NAALADL2: variants seen among roughly 807,000 people sequenced by gnomAD.
NAALADL2 encodes the protein N-acetylated alpha-linked acidic dipeptidase like 2.
Under a neutral mutation model 87.2 loss-of-function variants are expected in NAALADL2, and 76 were observed. The ratio of observed to expected loss-of-function variants is 0.87; its 90% CI spans 0.72 to 1.05. The LOEUF is 1.05. NAALADL2 is among the 50% of genes least tolerant of loss of function. NAALADL2 has a pLI of 0.00. For missense variants in NAALADL2, 1,089 were observed against 945.8 expected (o/e 1.15, Z -1.99); for synonymous variants, 354 against 331.0 (o/e 1.07, Z -0.75).
At chr3:174,762,823 T>TA (rs910728615) in intron 3 of NAALADL2, among the ~76,000 whole-genome samples, 15 of 151,414 alleles carry the variant, frequency 9.9e-5, no homozygotes, top group South Asian at 2.1e-4. Context: ...GTGCCAATAA[T>TA]AAAAAAAAAT....
intron 5 of NAALADL2, among the ~76,000 whole-genome samples, chr3:175,405,073 T>C (rs1177143694): frequency 6.6e-6 from 1 of 152,172 alleles, no homozygotes; most frequent in Non-Finnish European, 1.5e-5. Flanking sequence ...TGGGGCTTAA[T>C]TCATTGTAAC....
intron 5 of NAALADL2, among the ~76,000 whole-genome samples, chr3:175,420,590 C>A (rs1030853369): frequency 6.6e-6 from 1 of 151,766 alleles, no homozygotes; most frequent in African/African-American, 2.4e-5. Flanking sequence ...AGCTAATAAA[C>A]AAAAAATTTA....
Position 174,489,790 on chromosome 3 carries a change from G to A in NAALADL2, c.-184+48758G>A, listed in dbSNP as rs186572450. ...ACAGTGAGAGACTACACCCACTGGG[G>A]TGGCAAAAAGTCAGATAATATTGGT... On this transcript the variant is annotated intron_variant, in intron 1 of 3. Coordinates refer to the NAALADL2 transcript ENST00000434257. 2.2e-3 allele frequency among the ~76,000 whole-genome samples: 333 copies of A among 152,146 alleles called. 2 individuals are homozygous for A. In the Middle Eastern group the frequency reaches 0.031, roughly 14 times the overall value.
chr3:175,061,728 A>AATATATATATATATAT (rs149495848), intron 1 of NAALADL2, among the ~76,000 whole-genome samples: 1,580 of 141,408 alleles, frequency 0.011, 13 homozygotes, highest in Non-Finnish European at 0.018. Context: ...CACTTGCACA[A>AATATATATATATATAT]ATATATATAT....
At chr3:174,608,582 T>A (rs1271670976) in intron 2 of NAALADL2, among the ~76,000 whole-genome samples, 9 of 151,996 alleles carry the variant, frequency 5.9e-5, no homozygotes, top group Non-Finnish European at 2.9e-5. Flanking sequence ...ATAAATTCCT[T>A]GACACATACA....
chr3:174,707,523 A>G (rs1730207650), intron 2 of NAALADL2, among the ~76,000 whole-genome samples: 2 of 151,820 alleles, frequency 1.3e-5, no homozygotes, highest in African/African-American at 4.8e-5. Context: ...GGAAACCATC[A>G]TTCTCAGCAA....
chr3:175,636,258 A>G (rs1464034300), intron 11 of NAALADL2, among the ~76,000 whole-genome samples: 3 of 152,222 alleles, frequency 2.0e-5, no homozygotes, highest in East Asian at 3.9e-4. Flanking sequence ...TGACCCTGAG[A>G]GTCACTCATT....
chr3:175,603,828 A>T (rs1332736431), intron 10 of NAALADL2, among the ~76,000 whole-genome samples: 1 of 148,042 alleles, frequency 6.8e-6, no homozygotes, highest in African/African-American at 2.7e-5. Flanking sequence ...CCCATCTATA[A>T]AAAAAAACCA....
intron 1 of NAALADL2, among the ~76,000 whole-genome samples, chr3:174,511,155 G>C (rs1440394862): frequency 6.6e-6 from 1 of 151,918 alleles, no homozygotes; most frequent in Non-Finnish European, 1.5e-5. Flanking sequence ...TATAAATACG[G>C]AATGGGCTAC....
At chr3:175,569,197 T>A (rs1717660565) in intron 9 of NAALADL2, among the ~76,000 whole-genome samples, 1 of 152,240 alleles carries the variant, frequency 6.6e-6, no homozygotes, top group African/African-American at 2.4e-5. Flanking sequence ...GATCCTTCAA[T>A]GTTTACATGT....
At chr3:174,467,527 A>C (rs1716609629) in intron 1 of NAALADL2, among the ~76,000 whole-genome samples, 1 of 140,416 alleles carries the variant, frequency 7.1e-6, no homozygotes, top group Non-Finnish European at 1.5e-5. Context: ...CGGGAGGCAG[A>C]GGTTGCAGTG....
At chr3:175,469,029 A>T (rs1407940710) in intron 8 of NAALADL2, among the ~76,000 whole-genome samples, 1 of 152,070 alleles carries the variant, frequency 6.6e-6, no homozygotes, top group Non-Finnish European at 1.5e-5. Flanking sequence ...GGTTATTCCT[A>T]TTCAAAACAA....
chr3:175,505,708 A>G (rs561588375), intron 9 of NAALADL2, among the ~76,000 whole-genome samples: 1 of 152,302 alleles, frequency 6.6e-6, no homozygotes, highest in African/African-American at 2.4e-5. Flanking sequence ...TCAAGATCCT[A>G]GGGAAAGGAG....
At chr3:175,032,856 G>T (rs1335297539) in intron 1 of NAALADL2, among the ~76,000 whole-genome samples, 3 of 151,880 alleles carry the variant, frequency 2.0e-5, no homozygotes, top group South Asian at 2.1e-4. Flanking sequence ...AAAGTGGATG[G>T]AGTTTTATTT....
intron 1 of NAALADL2, among the ~76,000 whole-genome samples, chr3:174,974,647 A>G (rs529963126): frequency 1.3e-5 from 2 of 152,288 alleles, no homozygotes; most frequent in African/African-American, 2.4e-5. Flanking sequence ...AATTTAAATT[A>G]TAGTAACAGA....
rs1248406536 is a variant in NAALADL2 at position 175,803,963 on chromosome 3, G to A, written c.*760G>A. Reference sequence around the variant, plus strand: ...TCAGGAGTGATGTATGTCTTAAGAGGGAGAAAAAAATATTTCTTATTACTT... The same window carrying A: ...TCAGGAGTGATGTATGTCTTAAGAGAGAGAAAAAAATATTTCTTATTACTT... On this transcript the variant is annotated 3_prime_UTR_variant, in exon 14 of 14. Coordinates refer to ENST00000454872, the MANE Select transcript of NAALADL2 (RefSeq NM_207015.3). The A allele has an allele frequency of 6.6e-6, 1 of 151,982 alleles. No individual in the cohort carries two copies. The highest frequency in any genetic ancestry group is 1.5e-5 in the Non-Finnish European group (1 of 67,754). The allele number at this position is 151,982 out of a possible 1,614,324, so 9.4% of individuals were successfully genotyped here.
intron 11 of NAALADL2, among the ~76,000 whole-genome samples, chr3:175,660,235 T>A (rs966022842): frequency 1.3e-5 from 2 of 152,130 alleles, no homozygotes; most frequent in Non-Finnish European, 2.9e-5. Flanking sequence ...CATGTACATT[T>A]TGGAGGGACA....
intron 1 of NAALADL2, among the ~76,000 whole-genome samples, chr3:174,448,073 C>T (rs1715188513): frequency 6.6e-6 from 1 of 152,174 alleles, no homozygotes; most frequent in South Asian, 2.1e-4. Context: ...TTATTTTCCT[C>T]TGGCATTGAG....
At chr3:175,638,690 A>G (rs924544966) in intron 11 of NAALADL2, among the ~76,000 whole-genome samples, 1 of 152,210 alleles carries the variant, frequency 6.6e-6, no homozygotes, top group Non-Finnish European at 1.5e-5. Context: ...TTAAATTCCA[A>G]ATATTTTACT....
Sources: allele counts gnomAD v4.1 joint callset (sites outside exome capture counted in the v4.1 genomes callset), GRCh38; gene constraint gnomAD v4.1.1; transcripts MANE v1.5; gene names NCBI Gene and HGNC (gene_info 2026-07-23, HGNC 2026-07-21).